KIAA1549L: variants seen among roughly 807,000 people sequenced by gnomAD.
KIAA1549L encodes UPF0606 protein KIAA1549L.
Under a neutral mutation model 160.7 loss-of-function variants are expected in KIAA1549L, and 88 were observed. The ratio of observed to expected loss-of-function variants is 0.55; its 90% CI spans 0.46 to 0.65. The LOEUF (loss-of-function observed/expected upper bound fraction) is 0.65, where lower values mean the gene tolerates loss of function less well. Among genes scored for constraint, KIAA1549L ranks in the 30% least tolerant of loss-of-function variants. KIAA1549L has a pLI of 0.00. For synonymous variants in KIAA1549L, 950 were observed against 976.7 expected (o/e 0.97, Z 0.51); for missense variants, 2,258 against 2,437.5 (o/e 0.93, Z 1.55).
Position 33,542,824 on chromosome 11 carries a change from T to C in KIAA1549L, c.1261T>C (p.Phe421Leu). The change falls in exon 2 of 21, where the codon TTC becomes CTC. Residue 421 changes from phenylalanine (F) to leucine (L), a missense_variant. By Grantham distance (22) the Phe-to-Leu change is conservative. This residue lies in a region of KIAA1549L where 540 missense variants were observed against 465.7 expected (regional missense o/e 1.16). Coordinates refer to ENST00000658780, the MANE Select transcript of KIAA1549L (RefSeq NM_012194.3). ...TATHEAEPPL[F>L]QTAESGAIEM... ...GACCCATGAGGCTGAGCCTCCACTT[T>C]TCCAGACTGCAGAATCAGGGGCCAT... 1 of 1,613,882 alleles carries C rather than the reference T, an allele frequency of 6.2e-7. No homozygotes were observed. Among genetic ancestry groups the C allele is most frequent in the Middle Eastern group, 1.6e-4 (1 of 6,062 alleles).
At chr11:33,539,963 G>A (rs556738905) in intron 1 of KIAA1549L, among the ~76,000 whole-genome samples, 1 of 152,312 alleles carries the variant, frequency 6.6e-6, no homozygotes, top group Non-Finnish European at 1.5e-5. Context: ...GTGTTTCATA[G>A]GAGCTATCTT....
Position 33,475,794 on chromosome 11 carries a change from C to CT in KIAA1549L, c.239-66007dup, listed in dbSNP as rs1426243815. On this transcript the variant is annotated intron_variant, in intron 1 of 20. Coordinates refer to ENST00000658780, the MANE Select transcript of KIAA1549L (RefSeq NM_012194.3). ...ATCACTTGAGCTCAGGAGATCAAGGCTGCAGTGAACTGTGATTGTGCCACT... is the reference window on the plus strand; with the variant it reads ...ATCACTTGAGCTCAGGAGATCAAGGCTTGCAGTGAACTGTGATTGTGCCACT... Among the ~76,000 whole-genome samples the CT allele has an allele frequency of 2.0e-4, 31 of 152,178 alleles. No homozygotes were observed. In the East Asian group the frequency reaches 5.8e-3, roughly 28 times the overall value.
chr11:33,607,995 G>A (rs1036815451), intron 14 of KIAA1549L, among the ~76,000 whole-genome samples: 2 of 152,182 alleles, frequency 1.3e-5, no homozygotes, highest in African/African-American at 4.8e-5. Flanking sequence ...CACACGGCAG[G>A]TTATGGTGAC....
intron 1 of KIAA1549L, among the ~76,000 whole-genome samples, chr11:33,422,602 T>C (rs1851040823): frequency 7.0e-6 from 1 of 143,160 alleles, no homozygotes; most frequent in Non-Finnish European, 1.5e-5. Flanking sequence ...CTTTCTTTCC[T>C]TCTTCCTTTC....
intron 5 of KIAA1549L, 38 bp from the exon 6 acceptor site, chr11:33,552,070 G>A: frequency 6.2e-7 from 1 of 1,608,606 alleles, no homozygotes; most frequent in Non-Finnish European, 8.5e-7. Flanking sequence ...CTGAGACATG[G>A]AGCTTTAGTG....
In KIAA1549L at chr11:33,661,077, TA is replaced by T. The variant is rs1167630667; in HGVS notation, c.6159+64del. 3.4e-6 allele frequency: 5 copies of T among 1,475,064 alleles called. No individual in the cohort carries two copies. The East Asian group carries it at 1.2e-4, about 36-fold the overall frequency. 91.4% of individuals were successfully genotyped at this position (1,475,064 alleles called of 1,614,324 possible). On this transcript the variant is annotated intron_variant, in intron 20 of 20. Transcript: ENST00000658780. ...GCTTAACACATGCCAAAAAGTAAAT[TA>T]GATAAAAGGTTGAGACTGAAGGTTT...
At chr11:33,494,355 C>A (rs1852765471) in intron 1 of KIAA1549L, among the ~76,000 whole-genome samples, 1 of 152,158 alleles carries the variant, frequency 6.6e-6, no homozygotes, top group East Asian at 1.9e-4. Context: ...GGGGTAAGCC[C>A]ATTATACCAC....
rs950948944 is a variant in KIAA1549L, at chr11:33,669,259, C to G, written c.*1105C>G. The G allele has an allele frequency of 2.6e-5, 4 of 152,168 alleles. No individual in the cohort carries two copies. Among genetic ancestry groups the G allele is most frequent in the African/African-American group, 4.8e-5 (2 of 41,414 alleles). 9.4% of individuals were successfully genotyped at this position (152,168 alleles called of 1,614,324 possible). On this transcript the variant is annotated 3_prime_UTR_variant, in exon 21 of 21. Transcript: ENST00000658780. ...AAAAAGCGTATGGAGTTAGCCAGTT[C>G]CCCCTAGTTAATGGACATAGGAAGA...
chr11:33,641,784 T>TTC, intron 16 of KIAA1549L, among the ~76,000 whole-genome samples: 4 of 151,678 alleles, frequency 2.6e-5, no homozygotes, highest in African/African-American at 7.3e-5. Context: ...CATAAGTTCT[T>TTC]ATAAGGACAA....
intron 1 of KIAA1549L, among the ~76,000 whole-genome samples, chr11:33,462,021 T>C (rs1851952338): frequency 6.6e-6 from 1 of 152,216 alleles, no homozygotes; most frequent in African/African-American, 2.4e-5. Context: ...GAGGAAGGTA[T>C]ATGCTGACTT....
intron 16 of KIAA1549L, among the ~76,000 whole-genome samples, chr11:33,632,749 T>G (rs1274778283): frequency 1.3e-5 from 2 of 151,906 alleles, no homozygotes; most frequent in Non-Finnish European, 2.9e-5. Context: ...TTTTTAATTT[T>G]TATTTATTTA....
intron 16 of KIAA1549L, among the ~76,000 whole-genome samples, chr11:33,628,838 T>C (rs905988879): frequency 6.6e-6 from 1 of 151,982 alleles, no homozygotes. Context: ...ATGATGTTAG[T>C]TGGTTATTTT....
At chr11:33,428,167 T>G (rs2134115656) in intron 1 of KIAA1549L, among the ~76,000 whole-genome samples, 1 of 152,346 alleles carries the variant, frequency 6.6e-6, no homozygotes, top group South Asian at 2.1e-4. Context: ...GGTAGTTCTG[T>G]TTCACTTTTA....
intron 1 of KIAA1549L, among the ~76,000 whole-genome samples, chr11:33,378,460 A>C (rs1232503925): frequency 6.6e-6 from 1 of 152,080 alleles, no homozygotes; most frequent in Non-Finnish European, 1.5e-5. Context: ...AGGACTTCTC[A>C]TCCACATTGT....
chr11:33,390,090 A>G (rs950274300), intron 1 of KIAA1549L, among the ~76,000 whole-genome samples: 2 of 152,220 alleles, frequency 1.3e-5, no homozygotes, highest in African/African-American at 2.4e-5. Context: ...TCTCATACCA[A>G]CCCTATGAAG....
At chr11:33,387,898 C>A (rs558226098) in intron 1 of KIAA1549L, among the ~76,000 whole-genome samples, 1 of 152,160 alleles carries the variant, frequency 6.6e-6, no homozygotes, top group Non-Finnish European at 1.5e-5. Flanking sequence ...AGCAGCCAAG[C>A]CCAGCCAACG....
chr11:33,572,614 ATGT>A (rs754541797), intron 9 of KIAA1549L, among the ~76,000 whole-genome samples: 7 of 152,116 alleles, frequency 4.6e-5, no homozygotes, highest in Admixed American at 1.3e-4. Context: ...ACATTCATCC[ATGT>A]TGTTGTGTTA....
At chr11:33,443,670 T>A (rs1162925941) in intron 1 of KIAA1549L, among the ~76,000 whole-genome samples, 2 of 152,148 alleles carry the variant, frequency 1.3e-5, no homozygotes, top group East Asian at 3.8e-4. Flanking sequence ...ATGAGCCCCT[T>A]TGGCAGTCTG....
At chr11:33,476,066 G>C (rs1852279698) in intron 1 of KIAA1549L, among the ~76,000 whole-genome samples, 1 of 152,154 alleles carries the variant, frequency 6.6e-6, no homozygotes, top group Non-Finnish European at 1.5e-5. Flanking sequence ...CCACACAACT[G>C]GTCTGGGCAA....
Sources: gnomAD v4.1 joint callset for allele counts (sites outside exome capture counted in the v4.1 genomes callset) on GRCh38, gnomAD v4.1.1 for gene constraint, gnomAD v4.1.1 regional missense constraint, MANE v1.5 for transcripts, NCBI Gene and HGNC (gene_info 2026-07-23, HGNC 2026-07-21) for gene names.